The following TRIM36 variants were observed in gnomAD, a reference collection of about 807,000 sequenced individuals.
The protein encoded by TRIM36 is tripartite motif containing 36.
A neutral mutation model predicts 72.4 loss-of-function variants in TRIM36; 42 were observed. That is an observed-to-expected ratio of 0.58 (90% CI 0.45 to 0.75). TRIM36 has a LOEUF of 0.75. Among genes scored for constraint, TRIM36 ranks in the 30% least tolerant of loss-of-function variants. The probability of loss-of-function intolerance (pLI) is 0.00; values close to 1 mark genes in which losing one functional copy is unlikely to be tolerated. For missense variants in TRIM36, 913 were observed against 857.1 expected, an observed-to-expected ratio of 1.07 and a Z score of -0.81; for synonymous variants, 315 against 282.8, an observed-to-expected ratio of 1.11 and a Z score of -1.14.
In TRIM36 at chr5:115,154,559, T is replaced by C. The variant is rs144280106; in HGVS notation, c.263-7165A>G. Among the ~76,000 whole-genome samples, 1,023 of 152,248 alleles carry C rather than the reference T, an allele frequency of 6.7e-3. 12 individuals are homozygous for C. Among genetic ancestry groups the C allele is most frequent in the African/African-American group, 0.024 (980 of 41,540 alleles). On this transcript the variant is annotated intron_variant, in intron 2 of 9. Transcript: ENST00000513154. ...ATCATTCAAGGCTGCTGTGACTACC[T>C]TTACATGCATAAACCAGAAAACCTA...
intron 2 of TRIM36, among the ~76,000 whole-genome samples, chr5:115,152,034 T>C (rs1753920923): frequency 1.3e-5 from 2 of 152,052 alleles, no homozygotes; most frequent in African/African-American, 4.8e-5. Flanking sequence ...ATCCTTGATT[T>C]ACCTGAAAAA....
chr5:115,149,299 CA>C (rs1266863879), intron 2 of TRIM36: 1 of 151,702 alleles, frequency 6.6e-6, no homozygotes, highest in Non-Finnish European at 1.5e-5. Flanking sequence ...GAAAACAAGC[CA>C]AACAATTCTG....
chr5:115,153,940 A>G (rs1236336783), intron 2 of TRIM36: 1 of 152,226 alleles, frequency 6.6e-6, no homozygotes, highest in Admixed American at 6.5e-5. Context: ...CCACAAAATG[A>G]GCCTCAATAA....
At chr5:115,171,112 A>C, upstream of TRIM36, 1 of 1,614,236 alleles carries the variant, frequency 6.2e-7, no homozygotes. Context: ...TTTAGGTTTT[A>C]AAATGCTTCC....
chr5:115,157,997 T>C (rs529102772), intron 2 of TRIM36, among the ~76,000 whole-genome samples: 37 of 152,232 alleles, frequency 2.4e-4, no homozygotes, highest in African/African-American at 8.9e-4. Flanking sequence ...GACAAAAGAC[T>C]ACAAATAGGG....
Position 115,141,355 on chromosome 5 carries a change from A to G in TRIM36, c.755T>C (p.Ile252Thr), listed in dbSNP as rs992536472. Residue 252 changes from isoleucine to threonine, a missense_variant, in exon 5 of 10, where the codon ATT becomes ACT. Physicochemically the swap from Ile to Thr is moderately conservative, Grantham distance 89. Transcript: ENST00000513154. ...GCTTTCCTTACCAATAAGGTAATCAATATCCTTTGAAAGCTTTTCCTGTTG... is the reference window on the plus strand; with the variant it reads ...GCTTTCCTTACCAATAAGGTAATCAGTATCCTTTGAAAGCTTTTCCTGTTG... ...KTLKEKLSKDIDYLIGKESQV... is the reference protein window; with the variant it reads ...KTLKEKLSKDTDYLIGKESQV... The G allele has an allele frequency of 1.3e-6, 2 of 1,596,392 alleles. No individual in the cohort carries two copies. Among genetic ancestry groups the G allele is most frequent in the South Asian group, 2.3e-5 (2 of 87,060 alleles).
intron 2 of TRIM36, among the ~76,000 whole-genome samples, chr5:115,161,139 C>T (rs908800211): frequency 6.6e-6 from 1 of 151,892 alleles, no homozygotes; most frequent in Non-Finnish European, 1.5e-5. Flanking sequence ...AAGGACTATG[C>T]TCTAGTAATT....
intron 7 of TRIM36, among the ~76,000 whole-genome samples, chr5:115,134,606 T>A (rs548680679): frequency 3.0e-4 from 46 of 152,238 alleles, no homozygotes; most frequent in Admixed American, 9.2e-4. Flanking sequence ...ACTGGCATGA[T>A]CTCAGCTCAC....
At chr5:115,179,073 A>T (rs187249815) in intron 1 of TRIM36, among the ~76,000 whole-genome samples, 45 of 152,302 alleles carry the variant, frequency 3.0e-4, no homozygotes, top group Admixed American at 7.2e-4. Context: ...TCGAAGCTCC[A>T]GGCGCAGAGG....
chr5:115,144,883 T>C (rs1049472157), intron 3 of TRIM36, 139 bp from the exon 4 acceptor site: 12 of 882,816 alleles, frequency 1.4e-5, no homozygotes, highest in Non-Finnish European at 2.0e-5. Flanking sequence ...AGAAAAATGG[T>C]TGATACATCA....
At chr5:115,147,462 G>C in intron 2 of TRIM36, 68 bp from the exon 3 acceptor site, 1 of 1,510,124 alleles carries the variant, frequency 6.6e-7, no homozygotes, top group Non-Finnish European at 9.0e-7. Context: ...GAAAAGAGGA[G>C]TCATGTCTTA....
At chr5:115,162,501 G>A (rs1379202799) in intron 2 of TRIM36, among the ~76,000 whole-genome samples, 2 of 152,088 alleles carry the variant, frequency 1.3e-5, no homozygotes, top group African/African-American at 4.8e-5. Context: ...TTCTTCATAT[G>A]AATCACATAA....
At chr5:115,167,005 C>A (rs1754814928) in intron 1 of TRIM36, among the ~76,000 whole-genome samples, 1 of 152,202 alleles carries the variant, frequency 6.6e-6, no homozygotes, top group Non-Finnish European at 1.5e-5. Flanking sequence ...ACCTGGCTTG[C>A]CGTTGGCAGC....
In TRIM36 at chr5:115,169,855, T is replaced by C. The variant is rs537463220; in HGVS notation, c.-221A>G. 7.0e-4 allele frequency: 914 copies of C among 1,304,756 alleles called. 4 individuals carry two copies. In the African/African-American group the frequency reaches 0.012, roughly 18 times the overall value. The allele number at this position is 1,304,756 out of a possible 1,614,324, so 80.8% of individuals were successfully genotyped here. The stretch of plus-strand genomic sequence containing the variant: ...AGAAGCGAGCTTTGCTCCCAGCGAC[T>C]ACCCCGGGAATCCCGCCCAGCTGCC... On this transcript the variant is annotated 5_prime_UTR_variant, in exon 1 of 10. Coordinates refer to ENST00000513154, the MANE Select transcript of TRIM36 (RefSeq NM_001300759.2).
At chr5:115,149,764 GCT>G (rs1317432956) in intron 2 of TRIM36, 1 of 151,564 alleles carries the variant, frequency 6.6e-6, no homozygotes, top group Non-Finnish European at 1.5e-5. Context: ...GATCTTGAAA[GCT>G]CTTTTTTTTT....
intron 2 of TRIM36, among the ~76,000 whole-genome samples, chr5:115,162,671 A>T (rs1754544512): frequency 6.6e-6 from 1 of 152,138 alleles, no homozygotes; most frequent in African/African-American, 2.4e-5. Context: ...TCAATCAAGC[A>T]TGGGTTCCCA....
upstream of TRIM36, chr5:115,170,978 T>C (rs1175748625): frequency 1.0e-5 from 14 of 1,400,754 alleles, no homozygotes; most frequent in Non-Finnish European, 1.3e-5. Context: ...TAATTTAGGA[T>C]TATTAGATCA....
At chr5:115,131,406 TGA>T (rs1254240709) in intron 8 of TRIM36, among the ~76,000 whole-genome samples, 2 of 152,280 alleles carry the variant, frequency 1.3e-5, no homozygotes, top group African/African-American at 4.8e-5. Context: ...GCTTTTGGGT[TGA>T]GAGAGACCTG....
intron 2 of TRIM36, among the ~76,000 whole-genome samples, chr5:115,158,423 A>G (rs974669747): frequency 1.3e-5 from 2 of 152,226 alleles, no homozygotes; most frequent in Middle Eastern, 3.2e-3. Context: ...TATCAAAGAG[A>G]AAATAAAGTA....
Sources: gnomAD v4.1 joint callset for allele counts (sites outside exome capture counted in the v4.1 genomes callset) on GRCh38, gnomAD v4.1.1 for gene constraint, MANE v1.5 for transcripts, NCBI Gene and HGNC (gene_info 2026-07-23, HGNC 2026-07-21) for gene names.